COBLL1: variants seen among roughly 807,000 people sequenced by gnomAD.
COBLL1 encodes cordon-bleu WH2 repeat protein like 1.
A neutral mutation model predicts 94.8 loss-of-function variants in COBLL1; 50 were observed. The observed-to-expected ratio is 0.53, with a 90% CI of 0.42 to 0.67. The LOEUF (loss-of-function observed/expected upper bound fraction) is 0.67. Ranked by LOEUF, COBLL1 falls within the 30% of genes least tolerant of loss-of-function variation. COBLL1 has a pLI of 0.00. For missense variants in COBLL1, 1,362 were observed against 1,348.7 expected (o/e 1.01, Z -0.15); for synonymous variants, 448 against 473.8 (o/e 0.95, Z 0.71).
intron 2 of COBLL1, among the ~76,000 whole-genome samples, chr2:164,802,910 G>A (rs1288838329): frequency 6.6e-6 from 1 of 152,160 alleles, no homozygotes; most frequent in African/African-American, 2.4e-5. Context: ...GACATGAATA[G>A]AAGTTTTCCA....
intron 2 of COBLL1, among the ~76,000 whole-genome samples, chr2:164,808,456 A>G (rs928369615): frequency 6.6e-6 from 1 of 152,190 alleles, no homozygotes; most frequent in African/African-American, 2.4e-5. Flanking sequence ...CAACACATTT[A>G]TAGCAGTCTA....
At chr2:164,698,800 A>G (rs1684084367) in intron 11 of COBLL1, among the ~76,000 whole-genome samples, 1 of 151,994 alleles carries the variant, frequency 6.6e-6, no homozygotes, top group Non-Finnish European at 1.5e-5. Context: ...ATAAAAATTG[A>G]ATGGGTAAAA....
intron 1 of COBLL1, among the ~76,000 whole-genome samples, chr2:164,673,847 A>G (rs1415660347): frequency 6.6e-6 from 1 of 152,118 alleles, no homozygotes; most frequent in Non-Finnish European, 1.5e-5. Context: ...GGCAAATTAA[A>G]CCTAACCAAA....
At chr2:164,816,294 T>C (rs1264285360) in intron 2 of COBLL1, among the ~76,000 whole-genome samples, 1 of 151,952 alleles carries the variant, frequency 6.6e-6, no homozygotes, top group African/African-American at 2.4e-5. Context: ...TCCCCAGTCT[T>C]CAGAAGCTAC....
intron 2 of COBLL1, among the ~76,000 whole-genome samples, chr2:164,788,184 T>A (rs1682972884): frequency 6.6e-6 from 1 of 152,136 alleles, no homozygotes; most frequent in African/African-American, 2.4e-5. Context: ...CAGCTAGATG[T>A]TGACATTACT....
At chr2:164,737,158 T>C (rs1173702120) in intron 3 of COBLL1, among the ~76,000 whole-genome samples, 4 of 152,044 alleles carry the variant, frequency 2.6e-5, no homozygotes, top group Non-Finnish European at 5.9e-5. Flanking sequence ...TGAGACCCTG[T>C]CTCTAGAAAA....
At chr2:164,692,710 G>C (rs1487829848) in intron 12 of COBLL1, 1 of 182,434 alleles carries the variant, frequency 5.5e-6, no homozygotes, top group Non-Finnish European at 1.1e-5. Flanking sequence ...CACAGAACTG[G>C]TTAGAAAAGC....
intron 7 of COBLL1, among the ~76,000 whole-genome samples, chr2:164,719,191 A>G (rs1685326388): frequency 6.6e-6 from 1 of 152,116 alleles, no homozygotes; most frequent in Non-Finnish European, 1.5e-5. Flanking sequence ...ATTTGTCTCT[A>G]ATTAGATGTA....
At chr2:164,823,621 C>T (rs1685289059) in intron 2 of COBLL1, among the ~76,000 whole-genome samples, 1 of 152,212 alleles carries the variant, frequency 6.6e-6, no homozygotes, top group Admixed American at 6.5e-5. Context: ...ATTATACACG[C>T]AGACACCTAA....
intron 7 of COBLL1, chr2:164,721,742 C>T: frequency 6.2e-6 from 1 of 161,064 alleles, no homozygotes. Flanking sequence ...ATTTCCATTC[C>T]TATTACATGC....
intron 13 of COBLL1, among the ~76,000 whole-genome samples, chr2:164,686,679 T>G (rs1683312295): frequency 6.6e-6 from 1 of 151,932 alleles, no homozygotes; most frequent in African/African-American, 2.4e-5. Flanking sequence ...TATAAGTGAA[T>G]AAAAACACTA....
chr2:164,670,074 ATTG>A (rs1691221487), intron 1 of COBLL1, among the ~76,000 whole-genome samples: 1 of 152,192 alleles, frequency 6.6e-6, no homozygotes, highest in African/African-American at 2.4e-5. Context: ...AGCTGACATG[ATTG>A]AAAGCTTATT....
chr2:164,708,115 G>T (rs879501736), intron 7 of COBLL1, among the ~76,000 whole-genome samples: 1 of 152,102 alleles, frequency 6.6e-6, no homozygotes, highest in Admixed American at 6.6e-5. Flanking sequence ...TAACAGGGGG[G>T]TGCGACAAGG....
intron 2 of COBLL1, among the ~76,000 whole-genome samples, chr2:164,793,883 T>C (rs1452525079): frequency 6.6e-6 from 1 of 152,238 alleles, no homozygotes; most frequent in Non-Finnish European, 1.5e-5. Context: ...TAGCATCATC[T>C]ATTAGGAAAG....
At chr2:164,821,622 G>C (rs928311048) in intron 2 of COBLL1, among the ~76,000 whole-genome samples, 6 of 152,180 alleles carry the variant, frequency 3.9e-5, no homozygotes, top group Non-Finnish European at 8.8e-5. Context: ...TTTTCATTAG[G>C]AACCACTGCC....
chr2:164,838,492 C>T (rs963398590), intron 2 of COBLL1, among the ~76,000 whole-genome samples: 2 of 152,058 alleles, frequency 1.3e-5, no homozygotes, highest in Non-Finnish European at 1.5e-5. Flanking sequence ...ATAAGTTATC[C>T]GTTAAAATGT....
At chr2:164,700,812 C>T in intron 9 of COBLL1, 56 bp from the exon 10 acceptor site, 1 of 1,007,260 alleles carries the variant, frequency 9.9e-7, no homozygotes, top group Non-Finnish European at 1.5e-6. Flanking sequence ...TCATCACATG[C>T]AATTCTGGCA....
chr2:164,664,362 A>G (rs1438268332), intron 2 of COBLL1, among the ~76,000 whole-genome samples: 1 of 152,262 alleles, frequency 6.6e-6, no homozygotes, highest in Admixed American at 6.5e-5. Context: ...GACACAAATC[A>G]AAGAATAGAG....
chr2:164,748,967 C>T (rs1687000547), intron 2 of COBLL1, among the ~76,000 whole-genome samples: 1 of 152,074 alleles, frequency 6.6e-6, no homozygotes, highest in African/African-American at 2.4e-5. Flanking sequence ...CTCATTTTAA[C>T]ACCGAATTCA....
Sources: gnomAD v4.1 joint callset for allele counts (sites outside exome capture counted in the v4.1 genomes callset) on GRCh38, gnomAD v4.1.1 for gene constraint, MANE v1.5 for transcripts, NCBI Gene and HGNC (gene_info 2026-07-23, HGNC 2026-07-21) for gene names.